Variants in SESN3 observed in about 807,000 individuals in gnomAD.
SESN3 encodes the protein sestrin-3.
A neutral mutation model predicts 55.3 loss-of-function variants in SESN3; 21 were observed. The observed-to-expected ratio is 0.38, with a 90% CI of 0.27 to 0.55. SESN3 has a LOEUF of 0.55. SESN3 is among the 20% of genes least tolerant of loss of function. SESN3 has a pLI of 0.76. For synonymous variants in SESN3, 181 were observed against 203.1 expected, an observed-to-expected ratio of 0.89 and a Z score of 0.93; for missense variants, 408 against 604.3, an observed-to-expected ratio of 0.68 and a Z score of 3.41.
At chr11:95,186,222 G>A (rs997656012) in intron 4 of SESN3, among the ~76,000 whole-genome samples, 109 of 150,458 alleles carry the variant, frequency 7.2e-4, no homozygotes, top group Non-Finnish European at 1.2e-3. Flanking sequence ...GTGTGTGTGT[G>A]TGTGTGTGTG....
intron 1 of SESN3, among the ~76,000 whole-genome samples, chr11:95,210,428 A>C (rs1860633126): frequency 6.6e-6 from 1 of 152,218 alleles, no homozygotes; most frequent in Non-Finnish European, 1.5e-5. Flanking sequence ...TGGTTACTGC[A>C]AGGCCTACAG....
chr11:95,218,031 T>C (rs890996285), intron 1 of SESN3, among the ~76,000 whole-genome samples: 3 of 152,222 alleles, frequency 2.0e-5, no homozygotes, highest in Non-Finnish European at 4.4e-5. Context: ...CACATATTCC[T>C]GCATCAGGTA....
At position 95,208,870 on chromosome 11, in the gene SESN3, C is replaced by T. The variant is rs1860597870; in HGVS notation, c.79-15348G>A. Among the ~76,000 whole-genome samples the T allele has an allele frequency of 3.3e-5, 5 of 151,490 alleles. No homozygotes were observed. The South Asian group carries it at 1.1e-3, about 32-fold the overall frequency. On this transcript the variant is annotated intron_variant, in intron 1 of 9. Transcript: ENST00000536441. ...GTTGGGAAAACTGGCTAGCCATATG[C>T]AGAAAACTGAAACTGGACCCCTTCC...
intron 6 of SESN3, among the ~76,000 whole-genome samples, chr11:95,180,534 G>A (rs1860041024): frequency 6.6e-6 from 1 of 152,040 alleles, no homozygotes; most frequent in African/African-American, 2.4e-5. Context: ...GGTGTTTACT[G>A]AGTACTTACC....
At chr11:95,226,036 A>T (rs867908924) in intron 1 of SESN3, among the ~76,000 whole-genome samples, 2,048 of 74,438 alleles carry the variant, frequency 0.028, 26 homozygotes, top group Middle Eastern at 0.12. Context: ...AAAATAAGTA[A>T]AAAAAAAAAA....
intron 1 of SESN3, among the ~76,000 whole-genome samples, chr11:95,227,009 C>T (rs920603851): frequency 2.0e-5 from 3 of 152,072 alleles, no homozygotes; most frequent in Non-Finnish European, 4.4e-5. Context: ...TTAAAAACTG[C>T]CTTTGACAAT....
chr11:95,214,394 G>T (rs749661987), intron 1 of SESN3, among the ~76,000 whole-genome samples: 15 of 152,120 alleles, frequency 9.9e-5, no homozygotes, highest in Non-Finnish European at 2.2e-4. Flanking sequence ...AAAATAAAAT[G>T]ACTTATAGTT....
intron 1 of SESN3, among the ~76,000 whole-genome samples, chr11:95,218,077 T>C (rs1465756591): frequency 6.6e-6 from 1 of 152,214 alleles, no homozygotes; most frequent in Non-Finnish European, 1.5e-5. Context: ...TGTAGGTTCA[T>C]TTATTACATG....
Position 95,169,123 on chromosome 11 carries a change from G to A in SESN3, c.*4132C>T, listed in dbSNP as rs1859803315. 6.6e-6 allele frequency: 1 copy of A among 152,154 alleles called. No homozygotes were observed. The highest frequency in any genetic ancestry group is 2.1e-4 in the South Asian group (1 of 4,818). The allele number at this position is 152,154 out of a possible 1,614,324, so 9.4% of individuals were successfully genotyped here. A position where few individuals can be genotyped will look rare whatever the true frequency, so the allele number is the denominator to read the frequency against. On this transcript the variant is annotated 3_prime_UTR_variant, in exon 10 of 10. Transcript: ENST00000536441. ...CTAGGTCTCACCTGGGCAGATTCTA[G>A]GTCTGCTAACTAAGCCAAATTAGCA... is the stretch of plus-strand genomic sequence containing the variant.
At chr11:95,177,258 T>A (rs780845114) in intron 8 of SESN3, among the ~76,000 whole-genome samples, 5 of 152,200 alleles carry the variant, frequency 3.3e-5, no homozygotes, top group Non-Finnish European at 5.9e-5. Context: ...TTCAGTGTTA[T>A]GTGACCTTAT....
At chr11:95,175,727 G>T (rs1042280242) in intron 8 of SESN3, 85 bp from the exon 9 acceptor site, 2 of 1,103,004 alleles carry the variant, frequency 1.8e-6, no homozygotes, top group Admixed American at 4.6e-5. Context: ...TTATTGTCTA[G>T]TAATTAAATA....
chr11:95,175,511 T>G lies in SESN3; in HGVS notation c.1379A>C (p.Lys460Thr), dbSNP rs1200659629. The G allele has an allele frequency of 2.5e-6, 4 of 1,613,922 alleles. No homozygotes were observed. Among genetic ancestry groups the G allele is most frequent in the Non-Finnish European group, 3.4e-6 (4 of 1,179,842 alleles). Reference sequence around the variant, plus strand: ...TGAAACACGTACTTTTTCTGAGTGTTTGAACTGCCGCCAGTAACTATCATA... The same window carrying G: ...TGAAACACGTACTTTTTCTGAGTGTGTGAACTGCCGCCAGTAACTATCATA... The part of the protein sequence containing the change: ...RMYDSYWRQF[K>T]HSEKVHVNLL... The change falls in exon 9 of 10, where the codon AAA becomes ACA. Residue 460 changes from lysine to threonine, a missense_variant. Physicochemically the swap from Lys to Thr is moderately conservative, Grantham distance 78 (BLOSUM62 -1). Transcript: ENST00000536441.
At chr11:95,195,979 CTG>C (rs1860354051) in intron 1 of SESN3, among the ~76,000 whole-genome samples, 2 of 152,092 alleles carry the variant, frequency 1.3e-5, no homozygotes, top group Admixed American at 6.6e-5. Context: ...TGGATCAGAT[CTG>C]TGTTTTTAAT....
chr11:95,231,418 G>A, upstream of SESN3: 1 of 334,428 alleles, frequency 3.0e-6, no homozygotes, highest in Non-Finnish European at 5.4e-6. Context: ...CGGAACTGAA[G>A]GGAGGTGGCG....
In SESN3 at chr11:95,230,446, G is replaced by C; in HGVS notation, c.78+337C>G. 3.5e-6 allele frequency: 1 copy of C among 287,644 alleles called. No individual in the cohort carries two copies. The highest frequency in any genetic ancestry group is 5.4e-5 in the Admixed American group (1 of 18,384). The allele number at this position is 287,644 out of a possible 1,614,324, so 17.8% of individuals were successfully genotyped here. ...GCTAAACTGCACAGGGAGGAGGATCGAACGGATCCCTCCCGCCCTCCGCCC... is the reference window on the plus strand; with the variant it reads ...GCTAAACTGCACAGGGAGGAGGATCCAACGGATCCCTCCCGCCCTCCGCCC... On this transcript the variant is annotated intron_variant, in intron 1 of 9. Coordinates refer to ENST00000536441, the MANE Select transcript of SESN3 (RefSeq NM_144665.4). The surrounding 1 kb of genome is among the most constrained non-coding windows in gnomAD (Gnocchi z 4.6).
chr11:95,178,914 T>C, intron 6 of SESN3, 86 bp from the exon 7 acceptor site: 1 of 733,088 alleles, frequency 1.4e-6, no homozygotes, highest in Non-Finnish European at 2.3e-6. Context: ...TTCCACTTTT[T>C]AGCTTTTCCA....
chr11:95,231,253 C>T (rs955555128), upstream of SESN3: 18 of 394,800 alleles, frequency 4.6e-5, no homozygotes, highest in East Asian at 6.6e-4. Context: ...GCTCCGGTAC[C>T]GCCCCTCCCG....
At chr11:95,227,228 T>C (rs1052572271) in intron 1 of SESN3, among the ~76,000 whole-genome samples, 11 of 151,940 alleles carry the variant, frequency 7.2e-5, no homozygotes, top group Non-Finnish European at 2.9e-5. Flanking sequence ...TTGCTCTTGT[T>C]GCTCAGGCTG....
At chr11:95,219,032 C>T (rs1432068212) in intron 1 of SESN3, among the ~76,000 whole-genome samples, 2 of 152,188 alleles carry the variant, frequency 1.3e-5, no homozygotes, top group Non-Finnish European at 2.9e-5. Flanking sequence ...AGTTTATGCA[C>T]ATTTTGAGTG....
Sources: gnomAD v4.1 joint callset for allele counts (sites outside exome capture counted in the v4.1 genomes callset) on GRCh38, gnomAD v4.1.1 for gene constraint, Gnocchi (gnomAD v3.1) non-coding constraint, MANE v1.5 for transcripts, NCBI Gene and HGNC (gene_info 2026-07-23, HGNC 2026-07-21) for gene names.